The following FSTL5 variants were observed in gnomAD, a reference collection of about 807,000 sequenced individuals.
The protein encoded by FSTL5 is follistatin-related protein 5.
FSTL5 carries 62 observed loss-of-function variants against 89.1 expected under a neutral mutation model. The observed-to-expected ratio is 0.70, with a 90% confidence interval of 0.57 to 0.86. The LOEUF is 0.86. Among genes scored for constraint, FSTL5 ranks in the 40% least tolerant of loss-of-function variants. FSTL5 has a pLI of 0.00. For synonymous variants in FSTL5, 383 were observed against 346.2 expected (o/e 1.11, Z -1.18); for missense variants, 1,057 against 1,001.6 (o/e 1.06, Z -0.75).
At chr4:162,136,271 T>C (rs1353010616) in intron 1 of FSTL5, among the ~76,000 whole-genome samples, 2 of 152,112 alleles carry the variant, frequency 1.3e-5, no homozygotes, top group Admixed American at 6.6e-5. Flanking sequence ...TCTTTAGGAA[T>C]AGTCATACCG....
At chr4:162,004,910 C>A (rs891978051) in intron 3 of FSTL5, among the ~76,000 whole-genome samples, 2 of 152,122 alleles carry the variant, frequency 1.3e-5, no homozygotes, top group African/African-American at 4.8e-5. Context: ...TGATTTTGTT[C>A]CTGCCCCATC....
intron 7 of FSTL5, among the ~76,000 whole-genome samples, chr4:161,601,035 C>CA (rs747046325): frequency 2.0e-5 from 3 of 151,612 alleles, no homozygotes; most frequent in East Asian, 1.9e-4. Flanking sequence ...CAAGTAAGTA[C>CA]AAAAAAAATC....
At chr4:161,767,163 T>G (rs1189435228) in intron 5 of FSTL5, among the ~76,000 whole-genome samples, 1 of 152,152 alleles carries the variant, frequency 6.6e-6, no homozygotes, top group East Asian at 1.9e-4. Context: ...TTGCAGTGAC[T>G]TTTTTTCTAC....
chr4:161,776,316 G>C (rs932671204), intron 4 of FSTL5, among the ~76,000 whole-genome samples: 1 of 151,966 alleles, frequency 6.6e-6, no homozygotes, highest in Non-Finnish European at 1.5e-5. Context: ...TATGAGGAAG[G>C]CATAGATGCT....
chr4:161,709,870 C>A (rs1486907876), intron 6 of FSTL5, among the ~76,000 whole-genome samples: 2 of 151,832 alleles, frequency 1.3e-5, no homozygotes, highest in African/African-American at 2.4e-5. Flanking sequence ...TAGAGTGGAA[C>A]AAAAATAAAA....
intron 4 of FSTL5, among the ~76,000 whole-genome samples, chr4:161,848,572 T>C (rs913439446): frequency 6.6e-6 from 1 of 152,240 alleles, no homozygotes; most frequent in East Asian, 1.9e-4. Context: ...GCATATTATA[T>C]GTAGCATTAT....
At chr4:161,431,529 AAGAC>A (rs1446487031) in intron 15 of FSTL5, among the ~76,000 whole-genome samples, 1 of 152,070 alleles carries the variant, frequency 6.6e-6, no homozygotes, top group Non-Finnish European at 1.5e-5. Context: ...CACTTAAAAG[AAGAC>A]AGAAAGGGAG....
chr4:162,115,307 T>A (rs922377302), intron 1 of FSTL5, among the ~76,000 whole-genome samples: 1 of 152,206 alleles, frequency 6.6e-6, no homozygotes, highest in Non-Finnish European at 1.5e-5. Flanking sequence ...CATGATCATC[T>A]TCTTATTTCT....
chr4:162,111,184 G>A (rs1437075671), intron 2 of FSTL5, 87 bp downstream of exon 2: 1 of 1,062,376 alleles, frequency 9.4e-7, no homozygotes, highest in African/African-American at 1.6e-5. Context: ...TGAAATAAGT[G>A]CTCCTAAGTG....
chr4:161,779,753 GTAAAGTT>G (rs1489814273), intron 4 of FSTL5, among the ~76,000 whole-genome samples: 32,532 of 96,614 alleles, frequency 0.34, 9,088 homozygotes, highest in African/African-American at 0.59. Context: ...AGGATTATTT[GTAAAGTT>G]ATATATATAT....
chr4:161,385,821 G>T lies in FSTL5; in HGVS notation c.2470C>A (p.Arg824=). The T allele has an allele frequency of 6.2e-7, 1 of 1,612,940 alleles. No homozygotes were observed. Among genetic ancestry groups the T allele is most frequent in the Non-Finnish European group, 8.5e-7 (1 of 1,179,574 alleles). ...ATCTCACAGTTTAATTTATTGAGTC[G>T]TCCATCTAGGATGAAGAGAGAGTCC... ...SKDSLFILDG[R]LNKLNCEITE... is the part of the protein sequence containing the mutation. Residue 824 remains arginine (R), a synonymous_variant, in exon 16 of 16, where the codon CGA becomes AGA. Coordinates refer to ENST00000306100, the MANE Select transcript of FSTL5 (RefSeq NM_020116.5).
chr4:161,811,777 T>G (rs947721608), intron 4 of FSTL5, among the ~76,000 whole-genome samples: 45 of 152,212 alleles, frequency 3.0e-4, no homozygotes, highest in African/African-American at 1.1e-3. Flanking sequence ...TCTAAATATT[T>G]AATATTACAT....
chr4:161,402,402 T>G (rs1449902175), intron 15 of FSTL5, among the ~76,000 whole-genome samples: 3 of 152,210 alleles, frequency 2.0e-5, no homozygotes, highest in Admixed American at 2.0e-4. Flanking sequence ...ATACTCAAAA[T>G]ATTAGGATCT....
At chr4:161,759,928 T>G (rs928173728) in intron 5 of FSTL5, among the ~76,000 whole-genome samples, 1 of 152,130 alleles carries the variant, frequency 6.6e-6, no homozygotes, top group Admixed American at 6.5e-5. Flanking sequence ...CAGTGGTCTT[T>G]CCCAACAAAA....
At position 161,612,893 on chromosome 4, in the gene FSTL5, C is replaced by A. The variant is rs181973679; in HGVS notation, c.895-25318G>T. Among the ~76,000 whole-genome samples the A allele has an allele frequency of 6.9e-3, 1,047 of 152,098 alleles. 5 individuals are homozygous for A. Among genetic ancestry groups the A allele is most frequent in the Middle Eastern group, 0.02 (6 of 294 alleles). The stretch of plus-strand genomic sequence containing the variant: ...TGAATGATTTAATTTGCATAAAATA[C>A]AAATGTGTCTGTGAATGTAAATGTA... On this transcript the variant is annotated intron_variant, in intron 7 of 15. Coordinates refer to ENST00000306100, the MANE Select transcript of FSTL5 (RefSeq NM_020116.5).
At chr4:161,700,640 G>C (rs999072436) in intron 6 of FSTL5, among the ~76,000 whole-genome samples, 2 of 152,058 alleles carry the variant, frequency 1.3e-5, no homozygotes, top group Admixed American at 6.6e-5. Context: ...GCCTCCCAAA[G>C]TGCTGGGATT....
At chr4:161,997,394 C>T (rs148503890) in intron 3 of FSTL5, among the ~76,000 whole-genome samples, 215 of 152,252 alleles carry the variant, frequency 1.4e-3, no homozygotes, top group African/African-American at 5.0e-3. Flanking sequence ...ACTAACATCA[C>T]TCCTTAAAGA....
intron 4 of FSTL5, among the ~76,000 whole-genome samples, chr4:161,805,323 T>A (rs977671510): frequency 1.3e-5 from 2 of 152,142 alleles, no homozygotes; most frequent in African/African-American, 4.8e-5. Context: ...TCTGATTAGA[T>A]TTATTTGCTG....
At chr4:161,845,892 A>G (rs1371305988) in intron 4 of FSTL5, among the ~76,000 whole-genome samples, 1 of 152,072 alleles carries the variant, frequency 6.6e-6, no homozygotes, top group Non-Finnish European at 1.5e-5. Flanking sequence ...CTAAAAATAC[A>G]AAAATTAGCT....
Sources: allele counts gnomAD v4.1 joint callset (sites outside exome capture counted in the v4.1 genomes callset), GRCh38; gene constraint gnomAD v4.1.1; transcripts MANE v1.5; gene names NCBI Gene and HGNC (gene_info 2026-07-23, HGNC 2026-07-21).